The following MEF2A variants were observed in gnomAD, a reference collection of about 807,000 sequenced individuals.
MEF2A encodes the protein myocyte-specific enhancer factor 2A.
MEF2A carries 28 observed loss-of-function variants against 55.8 expected under a neutral mutation model. The observed-to-expected ratio is 0.50, with a 90% CI of 0.37 to 0.69. The LOEUF is 0.69. MEF2A is among the 30% of genes least tolerant of loss of function. The probability of loss-of-function intolerance (pLI) is 0.00; values close to 1 mark genes in which losing one functional copy is unlikely to be tolerated. For missense variants in MEF2A, 528 were observed against 626.2 expected, an observed-to-expected ratio of 0.84 and a Z score of 1.67; for synonymous variants, 239 against 227.1, an observed-to-expected ratio of 1.05 and a Z score of -0.47.
intron 4 of MEF2A, among the ~76,000 whole-genome samples, chr15:99,662,557 C>T (rs1339758683): frequency 6.6e-6 from 1 of 151,870 alleles, no homozygotes; most frequent in African/African-American, 2.4e-5. Context: ...TCACTGCAAC[C>T]TCCACCTCCT....
At chr15:99,613,714 C>T (rs2039694539) in intron 2 of MEF2A, among the ~76,000 whole-genome samples, 1 of 152,168 alleles carries the variant, frequency 6.6e-6, no homozygotes, top group Admixed American at 6.5e-5. Flanking sequence ...TTGAGGAGGT[C>T]AGAACTCTTA....
chr15:99,706,639 A>G, intron 9 of MEF2A, 90 bp from the exon 10 acceptor site: 1 of 1,435,146 alleles, frequency 7.0e-7, no homozygotes, highest in Non-Finnish European at 9.8e-7. Context: ...TTCATATGAA[A>G]CTGTGAAAAA....
At chr15:99,707,652 T>C (rs950234443) in intron 10 of MEF2A, among the ~76,000 whole-genome samples, 6 of 152,190 alleles carry the variant, frequency 3.9e-5, no homozygotes, top group African/African-American at 1.4e-4. Context: ...TCTCATCAGC[T>C]GAGCCAAACA....
chr15:99,588,795 G>A (rs1968288228), intron 1 of MEF2A, among the ~76,000 whole-genome samples: 1 of 151,778 alleles, frequency 6.6e-6, no homozygotes, highest in South Asian at 2.1e-4. Flanking sequence ...TCCTGAATGG[G>A]TGTTTTGTTA....
At chr15:99,667,618 C>T (rs767679531) in intron 4 of MEF2A, among the ~76,000 whole-genome samples, 1 of 151,992 alleles carries the variant, frequency 6.6e-6, no homozygotes, top group Non-Finnish European at 1.5e-5. Context: ...AAAATGTTGC[C>T]TTTGTAAATT....
chr15:99,630,333 T>A (rs920059491), intron 2 of MEF2A, among the ~76,000 whole-genome samples: 3 of 152,270 alleles, frequency 2.0e-5, no homozygotes, highest in African/African-American at 7.2e-5. Context: ...TTTCCTGTCT[T>A]CTGGGTTGAT....
At chr15:99,624,104 C>T (rs772696171) in intron 2 of MEF2A, among the ~76,000 whole-genome samples, 2 of 152,146 alleles carry the variant, frequency 1.3e-5, no homozygotes, top group Admixed American at 6.5e-5. Flanking sequence ...GGCGCCCGGC[C>T]GTGATCTGCA....
Position 99,696,248 on chromosome 15 carries a change from C to A in MEF2A, c.858+5820C>A, listed in dbSNP as rs542480119. ...GGATCTAGATGATTTGAGCAACACT[C>A]GACCAACATGACCTAAGAGACATTT... On this transcript the variant is annotated intron_variant, in intron 8 of 11. Transcript: ENST00000557942. 3.9e-5 allele frequency among the ~76,000 whole-genome samples: 6 copies of A among 152,290 alleles called. No individual in the cohort carries two copies. In the South Asian group the frequency reaches 1.2e-3, roughly 32 times the overall value.
At chr15:99,710,877 T>C in intron 11 of MEF2A, 117 bp downstream of exon 11, 1 of 1,207,578 alleles carries the variant, frequency 8.3e-7, no homozygotes, top group Non-Finnish European at 1.1e-6. Context: ...TAATGATTCC[T>C]TTTCAGGTAG....
At chr15:99,665,546 C>G (rs1250105672) in intron 4 of MEF2A, among the ~76,000 whole-genome samples, 3 of 151,822 alleles carry the variant, frequency 2.0e-5, no homozygotes, top group Non-Finnish European at 2.9e-5. Context: ...ACTAAAACAT[C>G]AAAAACAATG....
intron 1 of MEF2A, 74 bp downstream of exon 1, chr15:99,566,178 G>T (rs1959204890): frequency 7.3e-6 from 1 of 137,232 alleles, no homozygotes. Flanking sequence ...TCGCTTAGGG[G>T]ACCGAGTAGG....
chr15:99,648,649 C>CAT (rs2046367647), intron 4 of MEF2A, among the ~76,000 whole-genome samples: 1 of 152,136 alleles, frequency 6.6e-6, no homozygotes, highest in Non-Finnish European at 1.5e-5. Context: ...TTTCCGTTTG[C>CAT]ATATATGTTA....
intron 7 of MEF2A, among the ~76,000 whole-genome samples, chr15:99,679,778 G>GT (rs1413765136): frequency 6.6e-6 from 1 of 152,094 alleles, no homozygotes; most frequent in Non-Finnish European, 1.5e-5. Context: ...CAAGAAAACA[G>GT]TTTTGAAAAT....
chr15:99,709,097 C>G (rs559690840), intron 10 of MEF2A, among the ~76,000 whole-genome samples: 1 of 152,274 alleles, frequency 6.6e-6, no homozygotes, highest in South Asian at 2.1e-4. Context: ...TGCCAGGAAG[C>G]CACATCAGAG....
rs3803420 is a variant in MEF2A, at chr15:99,674,515, G to A, written c.513G>A (p.Thr171=). The A allele has an allele frequency of 1.2e-5, 20 of 1,613,924 alleles. No homozygotes were observed. The East Asian group carries it at 3.1e-4, about 25-fold the overall frequency. Residue 171 remains threonine, a synonymous_variant, in exon 6 of 12, where the codon ACG becomes ACA. Transcript: ENST00000557942. ...CCCCATCTTTGGCAGCCAGCTCAAC[G>A]TTAACAGATTCAAGCATGCTCTCTC... is the stretch of plus-strand genomic sequence containing the variant. ...LVSPSLAASS[T]LTDSSMLSPP...
At chr15:99,709,933 C>A (rs2058437271) in intron 10 of MEF2A, among the ~76,000 whole-genome samples, 1 of 152,182 alleles carries the variant, frequency 6.6e-6, no homozygotes, top group South Asian at 2.1e-4. Context: ...GCTTGGCACC[C>A]CATGTAGGGA....
Position 99,706,737 on chromosome 15 carries a change from G to A in MEF2A, c.891G>A (p.Gln297=), listed in dbSNP as rs325407. The A allele has an allele frequency of 0.98, 1,579,135 of 1,613,008 alleles. 778,348 individuals are homozygous for A. Among genetic ancestry groups the A allele is most frequent in the East Asian group, 1 (44,863 of 44,864 alleles). ...CTTTTTTGATCTCACAGAATACCCA[G>A]AGGATCAGTAGTTCTCAAGCCACTC... The part of the protein sequence containing the change: ...SEEEELELNT[Q]RISSSQATQP... The change falls in exon 10 of 12, where the codon CAG becomes CAA. Residue 297 remains glutamine, a synonymous_variant. Coordinates refer to ENST00000557942, the MANE Select transcript of MEF2A (RefSeq NM_001319206.4).
intron 4 of MEF2A, among the ~76,000 whole-genome samples, chr15:99,656,660 G>A (rs373452053): frequency 2.0e-5 from 3 of 152,114 alleles, no homozygotes; most frequent in East Asian, 3.8e-4. Context: ...TACTGTAGTA[G>A]TACTGTCACA....
At chr15:99,643,826 C>T (rs1245737010) in intron 3 of MEF2A, among the ~76,000 whole-genome samples, 7 of 152,006 alleles carry the variant, frequency 4.6e-5, no homozygotes, top group South Asian at 2.1e-4. Flanking sequence ...CTCCTGAGCT[C>T]GTGATTCGCC....
Sources: gnomAD v4.1 joint callset for allele counts (sites outside exome capture counted in the v4.1 genomes callset) on GRCh38, gnomAD v4.1.1 for gene constraint, MANE v1.5 for transcripts, NCBI Gene and HGNC (gene_info 2026-07-23, HGNC 2026-07-21) for gene names.